GBX2: variants seen among roughly 807,000 people sequenced by gnomAD.
GBX2 encodes the protein gastrulation brain homeobox 2.
A neutral mutation model predicts 22.4 loss-of-function variants in GBX2; 5 were observed. That is an observed-to-expected ratio of 0.22 (90% CI 0.12 to 0.47). GBX2 has a LOEUF of 0.47. Ranked by LOEUF, GBX2 falls within the 20% of genes least tolerant of loss-of-function variation. The pLI is 0.99. For synonymous variants in GBX2, 220 were observed against 230.5 expected, an observed-to-expected ratio of 0.95 and a Z score of 0.41; for missense variants, 470 against 495.4, an observed-to-expected ratio of 0.95 and a Z score of 0.49.
chr2:236,164,227 C>T (rs923779314), downstream of GBX2, among the ~76,000 whole-genome samples: 1 of 152,154 alleles, frequency 6.6e-6, no homozygotes, highest in African/African-American at 2.4e-5. Context: ...CTGAGAACCT[C>T]GCCGAGGGCC....
downstream of GBX2, among the ~76,000 whole-genome samples, chr2:236,163,704 G>T (rs1192689353): frequency 6.6e-6 from 1 of 152,148 alleles, no homozygotes; most frequent in Non-Finnish European, 1.5e-5. Flanking sequence ...CAGGTGTGTG[G>T]GTCGGGGGAC....
Position 236,167,973 on chromosome 2 carries a change from G to A in GBX2, c.-2C>T. 1 of 1,553,634 alleles carries A rather than the reference G, an allele frequency of 6.4e-7. No individual in the cohort carries two copies. The highest frequency in any genetic ancestry group is 1.4e-5 in the African/African-American group (1 of 70,146). On this transcript the variant is annotated 5_prime_UTR_variant, in exon 1 of 2. Transcript: ENST00000306318. ...CGACGGCGGGAACGCTGCGCTCATA[G>A]ACGCGCTCGGTAGAGGCCAGCGAGA...
Position 236,166,042 on chromosome 2 carries a change from C to T in GBX2, c.919G>A (p.Ala307Thr). 6.2e-7 allele frequency: 1 copy of T among 1,614,222 alleles called. No individual in the cohort carries two copies. The highest frequency in any genetic ancestry group is 8.5e-7 in the Non-Finnish European group (1 of 1,180,042). The change falls in exon 2 of 2, where the codon GCA becomes ACA. Residue 307 changes from alanine (A) to threonine (T), a missense_variant. Ala to Thr is a moderately conservative substitution (Grantham distance 58). Around this residue, in one of 4 missense-constraint regions of GBX2, gnomAD observed 50 missense variants for 59.1 expected, o/e 0.85. Coordinates refer to ENST00000306318, the MANE Select transcript of GBX2 (RefSeq NM_001485.4). The surrounding 1 kb of genome is among the most constrained non-coding windows in gnomAD (Gnocchi z 6.6). ...NRRAKWKRVK[A>T]GNANSKTGEP... is the part of the protein sequence containing the mutation. ...CCTGTCTTGGAATTGGCATTGCCTG[C>T]CTTCACCCGTTTCCACTTGGCCCGT...
In GBX2 at chr2:236,165,379, A is replaced by G. The variant is rs2126007462; in HGVS notation, c.*535T>C. The G allele has an allele frequency of 6.5e-6, 1 of 154,108 alleles. No homozygotes were observed. The highest frequency in any genetic ancestry group is 1.4e-5 in the Non-Finnish European group (1 of 69,292). 9.5% of individuals were successfully genotyped at this position (154,108 alleles called of 1,614,324 possible). A position where few individuals can be genotyped will look rare whatever the true frequency, so the allele number is the denominator to read the frequency against. On this transcript the variant is annotated 3_prime_UTR_variant, in exon 2 of 2. Coordinates refer to ENST00000306318, the MANE Select transcript of GBX2 (RefSeq NM_001485.4). ...TCACATGGCTCAGATAGGATAGGCAACCCCAGGGGAAACCAAAGCCAGGCA... is the reference window on the plus strand; with the variant it reads ...TCACATGGCTCAGATAGGATAGGCAGCCCCAGGGGAAACCAAAGCCAGGCA...
intron 1 of GBX2, 47 bp downstream of exon 1, chr2:236,167,402 C>G (rs2060246555): frequency 1.4e-6 from 2 of 1,425,686 alleles, no homozygotes; most frequent in Non-Finnish European, 1.8e-6. Flanking sequence ...GGCCCGCCCC[C>G]GCCTCCTCCC....
At position 236,165,504 on chromosome 2, in the gene GBX2, C is replaced by G. The variant is rs1264352514; in HGVS notation, c.*410G>C. The G allele has an allele frequency of 6.1e-6, 1 of 164,918 alleles. No individual in the cohort carries two copies. The highest frequency in any genetic ancestry group is 2.4e-5 in the African/African-American group (1 of 41,726). The allele number at this position is 164,918 out of a possible 1,614,324, so 10.2% of individuals were successfully genotyped here. On this transcript the variant is annotated 3_prime_UTR_variant, in exon 2 of 2. Transcript: ENST00000306318. ...ACGCAAACCAAAATCAGTTTAAACC[C>G]CAGTGCTTGTTCTTGGGTTTCACGT...
chr2:236,166,429 C>T lies in GBX2; in HGVS notation c.532G>A (p.Val178Ile). The change falls in exon 2 of 2, where the codon GTC becomes ATC. Residue 178 changes from valine (V) to isoleucine (I), a missense_variant. This residue lies in a region of GBX2 where 377 missense variants were observed against 358.6 expected (regional missense o/e 1.05). Coordinates refer to ENST00000306318, the MANE Select transcript of GBX2 (RefSeq NM_001485.4). The surrounding 1 kb of genome is among the most constrained non-coding windows in gnomAD (Gnocchi z 6.6). ...GACTCGTCTTTCCCTTGCCCTCGGA[C>T]AGCCCCGACTGAAAGCAAAACCAAA... is the stretch of plus-strand genomic sequence containing the variant. ...ETVQASLVGA[V>I]RGQGKDESKV... is the part of the protein sequence containing the mutation. The T allele has an allele frequency of 6.2e-7, 1 of 1,609,476 alleles. No homozygotes were observed. Among genetic ancestry groups the T allele is most frequent in the Non-Finnish European group, 8.5e-7 (1 of 1,176,494 alleles).
chr2:236,167,494 A>G lies in GBX2; in HGVS notation c.478T>C (p.Ser160Pro), dbSNP rs1040586774. 2.5e-6 allele frequency: 4 copies of G among 1,589,190 alleles called. No individual in the cohort carries two copies. Among genetic ancestry groups the G allele is most frequent in the Middle Eastern group, 1.7e-4 (1 of 5,854 alleles). Residue 160 changes from serine to proline, a missense_variant, in exon 1 of 2, where the codon TCG becomes CCG. Transcript: ENST00000306318. ...DGKGFLAKEG[S>P]LLAFSAAETV... ...TCGGCCGCGGAGAAGGCGAGCAGCGAGCCCTCTTTGGCCAGGAAGCCTTTG... is the reference window on the plus strand; with the variant it reads ...TCGGCCGCGGAGAAGGCGAGCAGCGGGCCCTCTTTGGCCAGGAAGCCTTTG...
At chr2:236,162,707 G>C (rs1057432403), downstream of GBX2, among the ~76,000 whole-genome samples, 5 of 152,294 alleles carry the variant, frequency 3.3e-5, no homozygotes, top group Admixed American at 6.5e-5. Context: ...GTGCACGGCT[G>C]GGGGGCGCAG....
rs1485139387 is a variant in GBX2, at chr2:236,166,308, G to C, written c.653C>G (p.Ala218Gly). Residue 218 changes from alanine (A) to glycine (G), a missense_variant, in exon 2 of 2, where the codon GCT becomes GGT. Around this residue, in one of 4 missense-constraint regions of GBX2, gnomAD observed 377 missense variants for 358.6 expected, o/e 1.05. Coordinates refer to ENST00000306318, the MANE Select transcript of GBX2 (RefSeq NM_001485.4). This position sits in a 1 kb window ranked among gnomAD's most constrained non-coding sequence, Gnocchi z 6.6. ...SSDDNLTGQA[A>G]HKEEDPGHAL... is the part of the protein sequence containing the mutation. ...GTGGCCCGGGTCTTCCTCCTTGTGA[G>C]CTGCCTGGCCAGTCAGATTGTCATC... The C allele has an allele frequency of 1.9e-6, 3 of 1,613,950 alleles. No homozygotes were observed. Among genetic ancestry groups the C allele is most frequent in the Non-Finnish European group, 1.7e-6 (2 of 1,180,036 alleles).
rs1473745160 is a variant in GBX2 at position 236,165,932 on chromosome 2, T to C, written c.1029A>G (p.Leu343=). ...RFAIRSQHQQ[L]EQARP is the part of the protein sequence containing the mutation. ...TGGACCCTCAGGGCCGGGCCTGTTC[T>C]AGCTGCTGATGCTGACTTCTGATAG... The change falls in exon 2 of 2, where the codon CTA becomes CTG. Residue 343 remains leucine, a synonymous_variant. Coordinates refer to ENST00000306318, the MANE Select transcript of GBX2 (RefSeq NM_001485.4). 2 of 1,613,830 alleles carry C rather than the reference T, an allele frequency of 1.2e-6. No individual in the cohort carries two copies. The highest frequency in any genetic ancestry group is 2.7e-5 in the African/African-American group (2 of 74,946).
rs1388512496 is a variant in GBX2, at chr2:236,168,014, C to T, written c.-43G>A. 7.1e-7 allele frequency: 1 copy of T among 1,407,528 alleles called. No homozygotes were observed. Among genetic ancestry groups the T allele is most frequent in the Non-Finnish European group, 9.2e-7 (1 of 1,081,570 alleles). 87.2% of individuals were successfully genotyped at this position (1,407,528 alleles called of 1,614,324 possible). ...GCCAGCGAGAGGCGAAAAGTCCCCG[C>T]GCCGCGCCGCCGCCGGGAAGCCCGC... On this transcript the variant is annotated 5_prime_UTR_variant, in exon 1 of 2. Coordinates refer to ENST00000306318, the MANE Select transcript of GBX2 (RefSeq NM_001485.4).
Position 236,168,173 on chromosome 2 carries a change from G to T in GBX2, c.-202C>A. 2.4e-6 allele frequency: 1 copy of T among 413,880 alleles called. No homozygotes were observed. The highest frequency in any genetic ancestry group is 3.8e-6 in the Non-Finnish European group (1 of 260,058). The allele number at this position is 413,880 out of a possible 1,614,324, so 25.6% of individuals were successfully genotyped here. Reference sequence around the variant, plus strand: ...GGGGGTGTGCGGGGTGAGGCCGTGCGCCCCGGAGTGGAGAGGGCGCCCGGG... The same window carrying T: ...GGGGGTGTGCGGGGTGAGGCCGTGCTCCCCGGAGTGGAGAGGGCGCCCGGG... On this transcript the variant is annotated 5_prime_UTR_variant, in exon 1 of 2. Coordinates refer to ENST00000306318, the MANE Select transcript of GBX2 (RefSeq NM_001485.4).
At position 236,166,454 on chromosome 2, in the gene GBX2, A is replaced by ACGGCATTTTATTACATTT; in HGVS notation, c.524-35_524-18dup. 1 of 1,597,610 alleles carries ACGGCATTTTATTACATTT rather than the reference A, an allele frequency of 6.3e-7. No individual in the cohort carries two copies. Among genetic ancestry groups the ACGGCATTTTATTACATTT allele is most frequent in the Non-Finnish European group, 8.6e-7 (1 of 1,168,548 alleles). On this transcript the variant is annotated splice_polypyrimidine_tract_variant and intron_variant, in intron 1 of 1. Coordinates refer to ENST00000306318, the MANE Select transcript of GBX2 (RefSeq NM_001485.4). This position sits in a 1 kb window ranked among gnomAD's most constrained non-coding sequence, Gnocchi z 6.6. ...CAGCCCCGACTGAAAGCAAAACCAA[A>ACGGCATTTTATTACATTT]CGGCATTTTATTACATTTCGCACAC...
chr2:236,166,536 AC>A lies in GBX2; in HGVS notation c.524-100del. 1 of 929,714 alleles carries A rather than the reference AC, an allele frequency of 1.1e-6. No homozygotes were observed. Among genetic ancestry groups the A allele is most frequent in the Non-Finnish European group, 1.6e-6 (1 of 617,326 alleles). The allele number at this position is 929,714 out of a possible 1,614,324, so 57.6% of individuals were successfully genotyped here. A position where few individuals can be genotyped will look rare whatever the true frequency, so the allele number is the denominator to read the frequency against. On this transcript the variant is annotated intron_variant, in intron 1 of 1. Coordinates refer to ENST00000306318, the MANE Select transcript of GBX2 (RefSeq NM_001485.4). This position sits in a 1 kb window ranked among gnomAD's most constrained non-coding sequence, Gnocchi z 6.6. ...GGACATTCCGCGCCCCCCGCCCCCCACCCTTTAGCGGATTGTCTTTCTATGA... is the reference window on the plus strand; with the variant it reads ...GGACATTCCGCGCCCCCCGCCCCCCACCTTTAGCGGATTGTCTTTCTATGA...
At position 236,168,002 on chromosome 2, in the gene GBX2, G is replaced by T; in HGVS notation, c.-31C>A. On this transcript the variant is annotated 5_prime_UTR_variant, in exon 1 of 2. Coordinates refer to ENST00000306318, the MANE Select transcript of GBX2 (RefSeq NM_001485.4). ...CGCTCGGTAGAGGCCAGCGAGAGGC[G>T]AAAAGTCCCCGCGCCGCGCCGCCGC... is the stretch of plus-strand genomic sequence containing the variant. The T allele has an allele frequency of 6.7e-7, 1 of 1,490,886 alleles. No homozygotes were observed. The highest frequency in any genetic ancestry group is 2.8e-5 in the East Asian group (1 of 35,298). 92.4% of individuals were successfully genotyped at this position (1,490,886 alleles called of 1,614,324 possible). A position where few individuals can be genotyped will look rare whatever the true frequency, so the allele number is the denominator to read the frequency against.
At position 236,167,952 on chromosome 2, in the gene GBX2, G is replaced by C. The variant is rs1276073606; in HGVS notation, c.20C>G (p.Pro7Arg). Residue 7 changes from proline (P) to arginine (R), a missense_variant, in exon 1 of 2, where the codon CCG becomes CGG. Physicochemically the swap from Pro to Arg is moderately radical, Grantham distance 103 (BLOSUM62 -2). Transcript: ENST00000306318. The stretch of plus-strand genomic sequence containing the variant: ...CGGGCGCTGCATCATCATCAGCGAC[G>C]GCGGGAACGCTGCGCTCATAGACGC... MSAAFP[P>R]SLMMMQRPLG... The C allele has an allele frequency of 6.4e-7, 1 of 1,561,486 alleles. No homozygotes were observed. The highest frequency in any genetic ancestry group is 8.6e-7 in the Non-Finnish European group (1 of 1,156,156).
chr2:236,163,210 C>T (rs1330655858), downstream of GBX2, among the ~76,000 whole-genome samples: 1 of 152,052 alleles, frequency 6.6e-6, no homozygotes, highest in Non-Finnish European at 1.5e-5. Context: ...CTCGGCCTGT[C>T]TCCCGGGCCT....
downstream of GBX2, among the ~76,000 whole-genome samples, chr2:236,163,297 CAGG>C (rs2060221432): frequency 3.4e-5 from 5 of 148,268 alleles, 1 homozygote; most frequent in South Asian, 1.0e-3. Context: ...CCCCGAGGAG[CAGG>C]AGGGAGGGCG....
Sources: gnomAD v4.1 joint callset for allele counts (sites outside exome capture counted in the v4.1 genomes callset) on GRCh38, gnomAD v4.1.1 for gene constraint, gnomAD v4.1.1 regional missense constraint, Gnocchi (gnomAD v3.1) non-coding constraint, MANE v1.5 for transcripts, NCBI Gene and HGNC (gene_info 2026-07-23, HGNC 2026-07-21) for gene names.